Variants in ABCA12 observed in about 807,000 individuals in gnomAD.
ABCA12 encodes glucosylceramide transporter ABCA12.
ABCA12 carries 156 observed loss-of-function variants against 293.5 expected under a neutral mutation model. The ratio of observed to expected loss-of-function variants is 0.53; its 90% confidence interval spans 0.47 to 0.61. ABCA12 has a LOEUF of 0.61. Ranked by LOEUF, ABCA12 falls within the 20% of genes least tolerant of loss-of-function variation. The pLI, the probability that ABCA12 is intolerant of heterozygous loss-of-function variation, is 0.00. For missense variants in ABCA12, 2,797 were observed against 3,090.2 expected (o/e 0.91, Z 2.25); for synonymous variants, 1,063 against 1,108.0 (o/e 0.96, Z 0.81).
At chr2:214,940,662 T>C (rs553362685) in intron 50 of ABCA12, among the ~76,000 whole-genome samples, 136 of 152,258 alleles carry the variant, frequency 8.9e-4, no homozygotes, top group Middle Eastern at 3.4e-3. Context: ...TATTGGTCTA[T>C]TGAGGGATTT....
chr2:215,018,124 G>C lies in ABCA12; in HGVS notation c.1666C>G (p.Leu556Val), dbSNP rs2106011470. ...ADASEKPGQL[L>V]EMFKNVEELK... ...TCTTCAACATTTTTAAACATTTCTA[G>C]TAACTGACCTGCAAGAAGAAAAATG... is the stretch of plus-strand genomic sequence containing the variant. The change falls in exon 14 of 53, where the codon CTA (leucine) becomes GTA (valine). Residue 556 changes from leucine (L) to valine (V), a missense_variant. Coordinates refer to ENST00000272895, the MANE Select transcript of ABCA12 (RefSeq NM_173076.3). The C allele has an allele frequency of 5.6e-6, 9 of 1,612,814 alleles. No homozygotes were observed. In the Middle Eastern group the frequency reaches 1.5e-3, roughly 266 times the overall value.
rs374329275 is a variant in ABCA12 at position 215,019,661 on chromosome 2, C to T, written c.1423G>A (p.Glu475Lys). 5.0e-6 allele frequency: 8 copies of T among 1,614,112 alleles called. No homozygotes were observed. Among genetic ancestry groups the T allele is most frequent in the African/African-American group, 1.3e-5 (1 of 75,012 alleles). The change falls in exon 12 of 53, where the codon GAA (glutamate) becomes AAA (lysine). Residue 475 changes from glutamate to lysine, a missense_variant. Around this residue, in one of 3 missense-constraint regions of ABCA12, gnomAD observed 656 missense variants for 638.2 expected, o/e 1.03. Coordinates refer to ENST00000272895, the MANE Select transcript of ABCA12 (RefSeq NM_173076.3). ...ATTTCGGTGCCCAGCTCTGCCGCTT[C>T]GAGGAGTTGCAGATCAAACTCACTT... ...EESEFDLQLL[E>K]AAELGTEIAA...
chr2:214,943,113 G>A (rs1240036838), intron 49 of ABCA12, 96 bp from the exon 50 acceptor site: 26 of 899,814 alleles, frequency 2.9e-5, no homozygotes, highest in Non-Finnish European at 4.5e-5. Flanking sequence ...TATGGCACTT[G>A]GAAATACTAT....
intron 33 of ABCA12, among the ~76,000 whole-genome samples, chr2:214,978,008 T>C (rs1239173944): frequency 1.3e-5 from 2 of 152,134 alleles, no homozygotes; most frequent in Admixed American, 6.5e-5. Context: ...AATTTTACCT[T>C]GCTGAACATG....
chr2:215,016,230 A>T (rs1442896010), intron 14 of ABCA12, among the ~76,000 whole-genome samples: 1 of 151,914 alleles, frequency 6.6e-6, no homozygotes, highest in African/African-American at 2.4e-5. Context: ...AGCTGGGTGA[A>T]TGATGATACC....
At chr2:215,046,283 A>G (rs1454029271) in intron 6 of ABCA12, among the ~76,000 whole-genome samples, 1 of 151,644 alleles carries the variant, frequency 6.6e-6, no homozygotes, top group Non-Finnish European at 1.5e-5. Context: ...ATTTCAAATT[A>G]TATATTTGGA....
chr2:215,064,771 A>G (rs1202523261), intron 2 of ABCA12, among the ~76,000 whole-genome samples: 1 of 151,514 alleles, frequency 6.6e-6, no homozygotes, highest in Non-Finnish European at 1.5e-5. Flanking sequence ...GTATCACCAA[A>G]ATTTGATTGA....
At chr2:215,127,607 A>G (rs556754258) in intron 1 of ABCA12, among the ~76,000 whole-genome samples, 77 of 152,314 alleles carry the variant, frequency 5.1e-4, no homozygotes, top group African/African-American at 1.8e-3. Context: ...ATGCAAGAAT[A>G]GGTACCGCTG....
intron 7 of ABCA12, among the ~76,000 whole-genome samples, chr2:215,040,750 T>C (rs868771015): frequency 5.9e-5 from 9 of 152,104 alleles, no homozygotes; most frequent in Non-Finnish European, 8.8e-5. Flanking sequence ...AGGTGGAGGT[T>C]GCAGTGAGCT....
intron 39 of ABCA12, among the ~76,000 whole-genome samples, chr2:214,963,605 CAA>C (rs57895778): frequency 0.03 from 2,135 of 70,218 alleles, 56 homozygotes; most frequent in African/African-American, 0.11. Flanking sequence ...GCAGAGATAC[CAA>C]AAAAAAAAAA....
intron 2 of ABCA12, among the ~76,000 whole-genome samples, chr2:215,103,137 T>C (rs1245786809): frequency 6.6e-6 from 1 of 152,196 alleles, no homozygotes; most frequent in Admixed American, 6.5e-5. Flanking sequence ...TGCTCTCTTA[T>C]AGGCTTGATT....
At chr2:214,991,998 C>T (rs1370668562) in intron 23 of ABCA12, among the ~76,000 whole-genome samples, 5 of 151,982 alleles carry the variant, frequency 3.3e-5, no homozygotes, top group African/African-American at 1.2e-4. Context: ...AACCTACACG[C>T]TGTGCACATG....
rs971392004 is a variant in ABCA12, at chr2:215,019,711, A to C, written c.1373T>G (p.Met458Arg). 15 of 1,614,082 alleles carry C rather than the reference A, an allele frequency of 9.3e-6. No individual in the cohort carries two copies. In the African/African-American group the frequency reaches 1.3e-4, roughly 14 times the overall value. The change falls in exon 12 of 53, where the codon ATG becomes AGG. Residue 458 changes from methionine to arginine, a missense_variant. This residue lies in a region of ABCA12 where 656 missense variants were observed against 638.2 expected (regional missense o/e 1.03). Transcript: ENST00000272895. ...TTCTTCACACAGGCTCCCAAAGCTC[A>C]TATCAGAGAGCTGGCATGACTTCTC... ...LIEKSCQLSD[M>R]SFGSLCEESE... is the part of the protein sequence containing the mutation.
chr2:215,136,586 T>A (rs938498691), intron 1 of ABCA12, among the ~76,000 whole-genome samples: 1 of 152,204 alleles, frequency 6.6e-6, no homozygotes, highest in African/African-American at 2.4e-5. Flanking sequence ...AGCTATTGAA[T>A]TTTTATCACT....
intron 2 of ABCA12, among the ~76,000 whole-genome samples, chr2:215,096,388 T>C (rs1702250146): frequency 6.6e-6 from 1 of 152,198 alleles, no homozygotes; most frequent in East Asian, 1.9e-4. Context: ...CTCTACTTGC[T>C]TCTCTAAGAG....
At chr2:215,122,443 T>TA (rs1702827268) in intron 1 of ABCA12, among the ~76,000 whole-genome samples, 1 of 152,206 alleles carries the variant, frequency 6.6e-6, no homozygotes, top group African/African-American at 2.4e-5. Context: ...TGTTTTATTC[T>TA]AAAAAATATT....
At chr2:214,970,450 G>A in intron 36 of ABCA12, 50 bp from the exon 37 acceptor site, 1 of 1,604,402 alleles carries the variant, frequency 6.2e-7, no homozygotes. Context: ...TGCTGTGCAA[G>A]TTAAATAGAC....
chr2:215,039,888 A>G (rs982039521), intron 7 of ABCA12, among the ~76,000 whole-genome samples: 4 of 152,132 alleles, frequency 2.6e-5, no homozygotes. Context: ...TTACTAATGA[A>G]ATAATTTAGG....
At chr2:215,133,496 C>A (rs1703109755) in intron 1 of ABCA12, among the ~76,000 whole-genome samples, 1 of 151,992 alleles carries the variant, frequency 6.6e-6, no homozygotes, top group Admixed American at 6.6e-5. Flanking sequence ...AGTCTTTCAG[C>A]CTGCAATCTC....
Sources: allele counts gnomAD v4.1 joint callset (sites outside exome capture counted in the v4.1 genomes callset), GRCh38; gene constraint gnomAD v4.1.1; regional missense constraint gnomAD v4.1.1; transcripts MANE v1.5; gene names NCBI Gene and HGNC (gene_info 2026-07-23, HGNC 2026-07-21).